DCLK3: variants seen among roughly 807,000 people sequenced by gnomAD.
DCLK3 encodes doublecortin like kinase 3.
Under a neutral mutation model 46.4 loss-of-function variants are expected in DCLK3, and 30 were observed. The ratio of observed to expected loss-of-function variants is 0.65; its 90% CI spans 0.48 to 0.88. The LOEUF (loss-of-function observed/expected upper bound fraction) is 0.88. Among genes scored for constraint, DCLK3 ranks in the 40% least tolerant of loss-of-function variants. The probability of loss-of-function intolerance (pLI) is 0.00; values close to 1 mark genes in which losing one functional copy is unlikely to be tolerated. For synonymous variants in DCLK3, 401 were observed against 339.2 expected, an observed-to-expected ratio of 1.18 and a Z score of -2.00; for missense variants, 846 against 907.1, an observed-to-expected ratio of 0.93 and a Z score of 0.87.
chr3:36,727,859 T>C (rs1701144191), intron 2 of DCLK3, among the ~76,000 whole-genome samples: 1 of 152,248 alleles, frequency 6.6e-6, no homozygotes, highest in Non-Finnish European at 1.5e-5. Context: ...TTTTTTGGCT[T>C]ATTTTTGCAA....
intron 3 of DCLK3, among the ~76,000 whole-genome samples, chr3:36,720,700 T>G (rs1453323840): frequency 1.3e-5 from 2 of 152,006 alleles, no homozygotes; most frequent in African/African-American, 4.8e-5. Flanking sequence ...ACAGACAGGG[T>G]TTCACCATGT....
chr3:36,737,302 T>C lies in DCLK3; in HGVS notation c.1865A>G (p.Asp622Gly). Residue 622 changes from aspartate (D) to glycine (G), a missense_variant, in exon 2 of 5, where the codon GAT becomes GGT. This residue lies in a region of DCLK3 where 247 missense variants were observed against 322.8 expected (regional missense o/e 0.77). Coordinates refer to ENST00000636136, the MANE Select transcript of DCLK3 (RefSeq NM_001394672.2). This position sits in a 1 kb window ranked among gnomAD's most constrained non-coding sequence, Gnocchi z 4.4. ...IIESVKFPEPDAALMIMDLCK... is the reference protein window; with the variant it reads ...IIESVKFPEPGAALMIMDLCK... ...TAAGTCCATGATCATGAGGGCAGCATCGGGCTCCGGGAACTTCACACTTTC... is the reference window on the plus strand; with the variant it reads ...TAAGTCCATGATCATGAGGGCAGCACCGGGCTCCGGGAACTTCACACTTTC... 1 of 1,614,182 alleles carries C rather than the reference T, an allele frequency of 6.2e-7. No individual in the cohort carries two copies. The highest frequency in any genetic ancestry group is 1.3e-5 in the African/African-American group (1 of 75,046).
In DCLK3 at chr3:36,741,690, A is replaced by G. The variant is rs147570587; in HGVS notation, c.83-2606T>C. 2.2e-3 allele frequency among the ~76,000 whole-genome samples: 334 copies of G among 152,362 alleles called. 3 individuals carry two copies. The highest frequency in any genetic ancestry group is 7.5e-3 in the African/African-American group (310 of 41,594). On this transcript the variant is annotated intron_variant, in intron 1 of 4. Transcript: ENST00000636136. ...AGTTGTCCACACGGCCGCTGAGGTC[A>G]GCACAGATGAAGGTAAGACTCAATG...
At chr3:36,732,706 T>C (rs1701213373) in intron 2 of DCLK3, among the ~76,000 whole-genome samples, 1 of 152,218 alleles carries the variant, frequency 6.6e-6, no homozygotes, top group Non-Finnish European at 1.5e-5. Flanking sequence ...ATTAATGTGA[T>C]TGGGGTATAA....
Position 36,734,240 on chromosome 3 carries a change from C to T in DCLK3, c.1959+2968G>A, listed in dbSNP as rs188982497. On this transcript the variant is annotated intron_variant, in intron 2 of 4. Coordinates refer to ENST00000636136, the MANE Select transcript of DCLK3 (RefSeq NM_001394672.2). ...CCAGACAATGAGTCAACTGTCAATC[C>T]AACATTATCTCTACCTCTGTCTGAA... 9.9e-5 allele frequency among the ~76,000 whole-genome samples: 15 copies of T among 152,254 alleles called. No individual in the cohort carries two copies. In the East Asian group the frequency reaches 2.1e-3, roughly 22 times the overall value.
At chr3:36,733,657 T>C (rs1270194779) in intron 2 of DCLK3, among the ~76,000 whole-genome samples, 1 of 152,238 alleles carries the variant, frequency 6.6e-6, no homozygotes, top group Non-Finnish European at 1.5e-5. Context: ...CAATTAACAC[T>C]GGTATTTCTG....
rs1465033613 is a variant in DCLK3 at position 36,715,589 on chromosome 3, T to C, written c.2261-68A>G. ...GTTCTGAATTTTTCTTCCCCACACATGAAATAAGAACATAAACATTCACGT... is the reference window on the plus strand; with the variant it reads ...GTTCTGAATTTTTCTTCCCCACACACGAAATAAGAACATAAACATTCACGT... On this transcript the variant is annotated intron_variant, in intron 4 of 4. Transcript: ENST00000636136. 8 of 1,485,046 alleles carry C rather than the reference T, an allele frequency of 5.4e-6. No individual in the cohort carries two copies. In the African/African-American group the frequency reaches 5.7e-5, roughly 11 times the overall value. The allele number at this position is 1,485,046 out of a possible 1,614,324, so 92.0% of individuals were successfully genotyped here. A position where few individuals can be genotyped will look rare whatever the true frequency, so the allele number is the denominator to read the frequency against.
At chr3:36,715,564 G>A in intron 4 of DCLK3, 43 bp from the exon 5 acceptor site, 1 of 1,502,630 alleles carries the variant, frequency 6.7e-7, no homozygotes, top group Non-Finnish European at 8.9e-7. Context: ...AATGCAGGTG[G>A]TTCTGAATTT....
Position 36,712,464 on chromosome 3 carries a change from A to G in DCLK3, c.*2864T>C, listed in dbSNP as rs1700921800. On this transcript the variant is annotated 3_prime_UTR_variant, in exon 5 of 5. Coordinates refer to ENST00000636136, the MANE Select transcript of DCLK3 (RefSeq NM_001394672.2). ...ATTGAGGTATAATTGACACACAATA[A>G]ACTGCACATAACAAAAGTGTACAAT... 6.6e-6 allele frequency: 1 copy of G among 152,220 alleles called. No homozygotes were observed. Among genetic ancestry groups the G allele is most frequent in the Admixed American group, 6.5e-5 (1 of 15,286 alleles). 9.4% of individuals were successfully genotyped at this position (152,220 alleles called of 1,614,324 possible).
intron 2 of DCLK3, among the ~76,000 whole-genome samples, chr3:36,728,418 C>A (rs1288000000): frequency 2.0e-5 from 3 of 152,096 alleles, no homozygotes; most frequent in Non-Finnish European, 4.4e-5. Flanking sequence ...TGTGTGAATC[C>A]AGGTGGACCA....
At position 36,746,637 on chromosome 3, in the gene DCLK3, C is replaced by T. The variant is rs984548575; in HGVS notation, c.83-7553G>A. 5.9e-5 allele frequency among the ~76,000 whole-genome samples: 9 copies of T among 152,184 alleles called. No individual in the cohort carries two copies. The East Asian group carries it at 1.7e-3, about 29-fold the overall frequency. Reference sequence around the variant, plus strand: ...AGCATTTTCCTCTCTTTCCAGAGATCCCAGGACATTGGGTTATACCCTACA... The same window carrying T: ...AGCATTTTCCTCTCTTTCCAGAGATTCCAGGACATTGGGTTATACCCTACA... On this transcript the variant is annotated intron_variant, in intron 1 of 4. Transcript: ENST00000636136.
chr3:36,727,308 A>G (rs559262734), intron 2 of DCLK3, among the ~76,000 whole-genome samples: 1 of 152,226 alleles, frequency 6.6e-6, no homozygotes, highest in African/African-American at 2.4e-5. Context: ...AGTCTTAAAA[A>G]CAAATAAAGC....
chr3:36,738,367 C>A lies in DCLK3; in HGVS notation c.800G>T (p.Gly267Val). 2.0e-6 allele frequency: 3 copies of A among 1,500,452 alleles called. No homozygotes were observed. Among genetic ancestry groups the A allele is most frequent in the Non-Finnish European group, 2.7e-6 (3 of 1,127,896 alleles). The allele number at this position is 1,500,452 out of a possible 1,614,324, so 92.9% of individuals were successfully genotyped here. Residue 267 changes from glycine (G) to valine (V), a missense_variant, in exon 2 of 5, where the codon GGG becomes GTG. Gly to Val is a moderately radical substitution (Grantham distance 109). Transcript: ENST00000636136. Reference protein sequence around the residue: ...RARTQKKWGRGKWEPEPSSKP... With the variant: ...RARTQKKWGRVKWEPEPSSKP... ...GCTACTGGGTTCTGGCTCCCATTTC[C>A]CCCTCCCCCACTTCTTCTGGGTCCT...
At chr3:36,744,114 C>T (rs765648293) in intron 1 of DCLK3, among the ~76,000 whole-genome samples, 2 of 152,210 alleles carry the variant, frequency 1.3e-5, no homozygotes, top group Non-Finnish European at 2.9e-5. Flanking sequence ...AAACTGTAAG[C>T]TCTCCAAAAG....
At position 36,747,669 on chromosome 3, in the gene DCLK3, T is replaced by G. The variant is rs576126147; in HGVS notation, c.83-8585A>C. On this transcript the variant is annotated intron_variant, in intron 1 of 4. Transcript: ENST00000636136. Reference sequence around the variant, plus strand: ...CACAAAGGGAAATTTATGTCCGCTTTTACATAAATAGGGGGAGGATAGAGA... The same window carrying G: ...CACAAAGGGAAATTTATGTCCGCTTGTACATAAATAGGGGGAGGATAGAGA... 2.6e-5 allele frequency among the ~76,000 whole-genome samples: 4 copies of G among 152,222 alleles called. No homozygotes were observed. The South Asian group carries it at 8.3e-4, about 32-fold the overall frequency.
Position 36,713,914 on chromosome 3 carries a change from CTTCCAGTGGAGGGTAA to C in DCLK3, c.*1398_*1413del, listed in dbSNP as rs1700942608. On this transcript the variant is annotated 3_prime_UTR_variant, in exon 5 of 5. Coordinates refer to ENST00000636136, the MANE Select transcript of DCLK3 (RefSeq NM_001394672.2). ...TTCAGGAGGGAGCTGAAAGGTGTCT[CTTCCAGTGGAGGGTAA>C]TTCCTGTAGAGGGCTGAAAGCTGAG... 2 of 152,314 alleles carry C rather than the reference CTTCCAGTGGAGGGTAA, an allele frequency of 1.3e-5. No homozygotes were observed. The highest frequency in any genetic ancestry group is 2.9e-5 in the Non-Finnish European group (2 of 68,142). 9.4% of individuals were successfully genotyped at this position (152,314 alleles called of 1,614,324 possible).
intron 3 of DCLK3, among the ~76,000 whole-genome samples, chr3:36,719,539 T>C (rs1335090086): frequency 6.6e-6 from 1 of 152,244 alleles, no homozygotes; most frequent in Admixed American, 6.5e-5. Context: ...TTTCAGATCC[T>C]CTCTGGGCTG....
intron 3 of DCLK3, among the ~76,000 whole-genome samples, chr3:36,720,412 A>T (rs1701039898): frequency 2.0e-5 from 3 of 152,086 alleles, no homozygotes; most frequent in Non-Finnish European, 4.4e-5. Context: ...CCTGACTAAT[A>T]TACCAACCAA....
chr3:36,738,953 C>T lies in DCLK3; in HGVS notation c.214G>A (p.Val72Ile), dbSNP rs1020127197. ...EKPFLGPRGP[V>I]VPLFCPRNGL... ...TTCCGAGGGCAGAACAAGGGCACGA[C>T]GGGGCCACGCGGCCCCAGGAATGGT... Residue 72 changes from valine (V) to isoleucine (I), a missense_variant, in exon 2 of 5, where the codon GTC becomes ATC. By Grantham distance (29) the Val-to-Ile change is conservative. This residue lies in a region of DCLK3 where 553 missense variants were observed against 543.0 expected (regional missense o/e 1.02). Coordinates refer to ENST00000636136, the MANE Select transcript of DCLK3 (RefSeq NM_001394672.2). The T allele has an allele frequency of 1.5e-5, 6 of 400,854 alleles. No individual in the cohort carries two copies. The highest frequency in any genetic ancestry group is 1.3e-4 in the South Asian group (1 of 7,920). The allele number at this position is 400,854 out of a possible 1,614,324, so 24.8% of individuals were successfully genotyped here. A position where few individuals can be genotyped will look rare whatever the true frequency, so the allele number is the denominator to read the frequency against.
Sources: allele counts gnomAD v4.1 joint callset (sites outside exome capture counted in the v4.1 genomes callset), GRCh38; gene constraint gnomAD v4.1.1; regional missense constraint gnomAD v4.1.1; non-coding constraint Gnocchi (gnomAD v3.1); transcripts MANE v1.5; gene names NCBI Gene and HGNC (gene_info 2026-07-23, HGNC 2026-07-21).